Variants in AMY2B observed in about 807,000 individuals in gnomAD.
AMY2B encodes amylase alpha 2B.
Under a neutral mutation model 59.3 loss-of-function variants are expected in AMY2B, and 63 were observed. The observed-to-expected ratio is 1.06, with a 90% CI of 0.87 to 1.31. The LOEUF (loss-of-function observed/expected upper bound fraction) is 1.31. Among genes scored for constraint, AMY2B ranks in the 50% most tolerant of loss-of-function variants. The probability of loss-of-function intolerance (pLI) is 0.00; values close to 1 mark genes in which losing one functional copy is unlikely to be tolerated. For missense variants in AMY2B, 635 were observed against 626.7 expected (o/e 1.01, Z -0.14); for synonymous variants, 180 against 198.1 (o/e 0.91, Z 0.77).
At chr1:103,563,628 A>G (rs1012889150) in intron 1 of AMY2B, among the ~76,000 whole-genome samples, 2 of 152,156 alleles carry the variant, frequency 1.3e-5, no homozygotes, top group African/African-American at 4.8e-5. Context: ...GTAGAAGCTT[A>G]TTATATGTGT....
intron 2 of AMY2B, among the ~76,000 whole-genome samples, chr1:103,566,386 A>G (rs1183298607): frequency 2.0e-5 from 3 of 152,190 alleles, no homozygotes; most frequent in African/African-American, 7.2e-5. Flanking sequence ...ATGTAATTTA[A>G]CGTATTTTAC....
chr1:103,555,097 G>A (rs150205536), exon 1 of AMY2B: 126 of 151,832 alleles, frequency 8.3e-4, no homozygotes, highest in African/African-American at 2.9e-3. Flanking sequence ...TTGACCACCT[G>A]GACTATGGAA....
Position 103,573,124 on chromosome 1 carries a change from C to T in AMY2B, c.377C>T (p.Thr126Ile), listed in dbSNP as rs1652202687. 3.1e-6 allele frequency: 5 copies of T among 1,613,768 alleles called. No homozygotes were observed. Among genetic ancestry groups the T allele is most frequent in the Non-Finnish European group, 4.2e-6 (5 of 1,179,742 alleles). ...HMSGNAVSAG[T>I]SSTCGSYFNP... is the part of the protein sequence containing the mutation. ...TCTGGTAATGCTGTGAGTGCAGGAA[C>T]AAGCAGTACCTGTGGAAGTTACTTC... The change falls in exon 3 of 10, where the codon ACA becomes ATA. Residue 126 changes from threonine (T) to isoleucine (I), a missense_variant. Coordinates refer to ENST00000684275, the MANE Select transcript of AMY2B (RefSeq NM_001387437.1).
intron 1 of AMY2B, among the ~76,000 whole-genome samples, chr1:103,561,245 A>T (rs1257241982): frequency 6.6e-6 from 1 of 152,086 alleles, no homozygotes; most frequent in Non-Finnish European, 1.5e-5. Context: ...GTAGATGGTG[A>T]TGCATGGAGT....
rs1452475314 is a variant in AMY2B, at chr1:103,571,817, G to A, written c.168+47G>A. ...AATTGCAGAATTCACTATGCTTGTA[G>A]TAAATAGTATTCTGATCTTATCCGT... On this transcript the variant is annotated intron_variant, in intron 1 of 9. Transcript: ENST00000684275. The A allele has an allele frequency of 1.9e-6, 3 of 1,611,814 alleles. No individual in the cohort carries two copies. The African/African-American group carries it at 4.0e-5, about 22-fold the overall frequency.
chr1:103,575,055 T>C (rs1025785811), intron 5 of AMY2B, among the ~76,000 whole-genome samples, 168 bp from the exon 6 acceptor site: 3 of 101,412 alleles, frequency 3.0e-5, no homozygotes, highest in Admixed American at 1.3e-4. Flanking sequence ...TTTGTGTGTG[T>C]GTATGTATAT....
chr1:103,574,047 TAA>T (rs903981806), intron 4 of AMY2B, 109 bp downstream of exon 4: 1 of 1,573,370 alleles, frequency 6.4e-7, no homozygotes, highest in East Asian at 2.3e-5. Context: ...GTCATTTATA[TAA>T]AATGGTGTTC....
intron 7 of AMY2B, among the ~76,000 whole-genome samples, chr1:103,577,188 T>C (rs1214253683): frequency 2.0e-5 from 3 of 152,098 alleles, no homozygotes; most frequent in South Asian, 2.1e-4. Context: ...CAGTGAGCTA[T>C]GATTATGCCA....
intron 7 of AMY2B, among the ~76,000 whole-genome samples, chr1:103,576,160 T>C (rs1198015034): frequency 6.6e-6 from 1 of 152,168 alleles, no homozygotes; most frequent in Non-Finnish European, 1.5e-5. Flanking sequence ...AATAAGAGTG[T>C]ACAGATATTT....
intron 2 of AMY2B, among the ~76,000 whole-genome samples, 176 bp downstream of exon 2, chr1:103,572,432 A>T (rs527433989): frequency 1.3e-3 from 193 of 152,190 alleles, no homozygotes; most frequent in African/African-American, 4.5e-3. Context: ...ATATTTGTGT[A>T]TGTGCTCTCT....
chr1:103,576,932 GT>G, intron 7 of AMY2B, among the ~76,000 whole-genome samples: 1 of 152,174 alleles, frequency 6.6e-6, no homozygotes, highest in Non-Finnish European at 1.5e-5. Context: ...ATGGCTTACA[GT>G]GATGTTAAGA....
At chr1:103,577,630 T>C in intron 8 of AMY2B, 22 bp downstream of exon 8, 1 of 1,611,926 alleles carries the variant, frequency 6.2e-7, no homozygotes, top group Non-Finnish European at 8.5e-7. Flanking sequence ...TATTTAGACA[T>C]GTCCTCTAAT....
At chr1:103,568,551 G>C (rs972722253), upstream of AMY2B, 2 of 152,022 alleles carry the variant, frequency 1.3e-5, no homozygotes, top group African/African-American at 4.8e-5. Flanking sequence ...TTTGAATTAA[G>C]GATGGGAAAC....
At chr1:103,558,229 T>C (rs1174252132) in intron 1 of AMY2B, among the ~76,000 whole-genome samples, 1 of 152,220 alleles carries the variant, frequency 6.6e-6, no homozygotes, top group Non-Finnish European at 1.5e-5. Context: ...AATGAAGTTT[T>C]TGTGACATTA....
chr1:103,557,985 A>G (rs1249272524), intron 1 of AMY2B, among the ~76,000 whole-genome samples: 1 of 152,042 alleles, frequency 6.6e-6, no homozygotes, highest in Non-Finnish European at 1.5e-5. Flanking sequence ...CGCATTTCTT[A>G]TTTTTCAAAT....
chr1:103,570,595 C>T (rs563225470), upstream of AMY2B: 729 of 590,852 alleles, frequency 1.2e-3, 7 homozygotes, highest in Middle Eastern at 4.3e-3. Flanking sequence ...GCCTCACTGT[C>T]AGCCTTCCAG....
intron 1 of AMY2B, among the ~76,000 whole-genome samples, chr1:103,563,177 C>T (rs979176281): frequency 6.6e-6 from 1 of 151,996 alleles, no homozygotes; most frequent in Non-Finnish European, 1.5e-5. Context: ...TCTTTAGTGA[C>T]TATTGCTTTG....
chr1:103,577,479 C>T lies in AMY2B; in HGVS notation c.1102-11C>T, dbSNP rs1262625481. On this transcript the variant is annotated splice_polypyrimidine_tract_variant and intron_variant, in intron 7 of 9. Transcript: ENST00000684275. ...GTATGTTAAAATTTGGCTTTTCACC[C>T]CCTAATTAAGGATGTTAATGATTGG... 2.5e-6 allele frequency: 4 copies of T among 1,611,614 alleles called. No homozygotes were observed. Among genetic ancestry groups the T allele is most frequent in the Admixed American group, 1.7e-5 (1 of 59,966 alleles).
intron 3 of AMY2B, 38 bp from the exon 4 acceptor site, chr1:103,573,670 G>A: frequency 6.2e-7 from 1 of 1,610,348 alleles, no homozygotes; most frequent in Non-Finnish European, 8.5e-7. Flanking sequence ...TGAAAAATGA[G>A]GTTTTATGAA....
Sources: allele counts gnomAD v4.1 joint callset (sites outside exome capture counted in the v4.1 genomes callset), GRCh38; gene constraint gnomAD v4.1.1; transcripts MANE v1.5; gene names NCBI Gene and HGNC (gene_info 2026-07-23, HGNC 2026-07-21).